Variants in RAD54B observed in about 807,000 individuals in gnomAD.
The protein encoded by RAD54B is DNA repair and recombination protein RAD54B.
A neutral mutation model predicts 95.8 loss-of-function variants in RAD54B; 78 were observed. The ratio of observed to expected loss-of-function variants is 0.81; its 90% CI spans 0.68 to 0.98. The LOEUF (loss-of-function observed/expected upper bound fraction) is 0.98. RAD54B is among the 50% of genes least tolerant of loss of function. The probability of loss-of-function intolerance (pLI) is 0.00; values close to 1 mark genes in which losing one functional copy is unlikely to be tolerated. For synonymous variants in RAD54B, 328 were observed against 354.9 expected (o/e 0.92, Z 0.85); for missense variants, 957 against 1,056.6 (o/e 0.91, Z 1.31).
At chr8:94,447,871 G>A (rs1360214011) in intron 3 of RAD54B, among the ~76,000 whole-genome samples, 3 of 152,010 alleles carry the variant, frequency 2.0e-5, no homozygotes, top group Admixed American at 2.0e-4. Flanking sequence ...GAAAGAAACT[G>A]GGCTCATGAC....
chr8:94,452,365 T>C (rs1812676047), intron 3 of RAD54B, among the ~76,000 whole-genome samples: 1 of 152,258 alleles, frequency 6.6e-6, no homozygotes. Context: ...GTTTAGGAAA[T>C]ACATACTGAA....
At chr8:94,467,128 A>G (rs1457342505) in intron 2 of RAD54B, among the ~76,000 whole-genome samples, 1 of 151,936 alleles carries the variant, frequency 6.6e-6, no homozygotes, top group Non-Finnish European at 1.5e-5. Flanking sequence ...GGGTCTCACT[A>G]TGTTACCCAG....
At chr8:94,394,919 A>C (rs1222182424) in intron 8 of RAD54B, among the ~76,000 whole-genome samples, 1 of 152,184 alleles carries the variant, frequency 6.6e-6, no homozygotes, top group African/African-American at 2.4e-5. Flanking sequence ...CCCAGGTTGG[A>C]CCAGCAATTG....
rs1449958430 is a variant in RAD54B, at chr8:94,404,160, C to G, written c.861G>C (p.Val287=). 2 of 1,611,020 alleles carry G rather than the reference C, an allele frequency of 1.2e-6. No homozygotes were observed. Among genetic ancestry groups the G allele is most frequent in the Non-Finnish European group, 1.7e-6 (2 of 1,177,668 alleles). ...GATGATATACAAGGTAAGGATCAATCACTACATCCACAAGAGGGAAACAGT... is the reference window on the plus strand; with the variant it reads ...GATGATATACAAGGTAAGGATCAATGACTACATCCACAAGAGGGAAACAGT... The part of the protein sequence containing the change: ...NKNCFPLVDV[V]IDPYLVYHLR... Residue 287 remains valine (V), a synonymous_variant, in exon 6 of 15, where the codon GTG becomes GTC. Coordinates refer to ENST00000336148, the MANE Select transcript of RAD54B (RefSeq NM_012415.3).
intron 3 of RAD54B, among the ~76,000 whole-genome samples, chr8:94,456,264 C>G (rs967328916): frequency 1.3e-5 from 2 of 152,078 alleles, no homozygotes; most frequent in African/African-American, 4.8e-5. Flanking sequence ...CAAAGTGTCC[C>G]GTGAATTCAA....
chr8:94,429,120 C>CA (rs761159401), intron 3 of RAD54B: 35 of 984,812 alleles, frequency 3.6e-5, no homozygotes, highest in Non-Finnish European at 3.9e-5. Flanking sequence ...GCAGTAAACT[C>CA]AAAGAGTGTG....
At position 94,393,673 on chromosome 8, in the gene RAD54B, A is replaced by C. The variant is rs1586132059; in HGVS notation, c.1518+70T>G. On this transcript the variant is annotated intron_variant, in intron 9 of 14. Transcript: ENST00000336148. ...CTATTGATTTTTCTAAATCAAAATA[A>C]TATGAAGTTATGGATGATTTCCTCA... 3 of 1,390,986 alleles carry C rather than the reference A, an allele frequency of 2.2e-6. No homozygotes were observed. In the East Asian group the frequency reaches 7.0e-5, roughly 32 times the overall value. 86.2% of individuals were successfully genotyped at this position (1,390,986 alleles called of 1,614,324 possible).
intron 3 of RAD54B, among the ~76,000 whole-genome samples, chr8:94,417,679 G>A (rs1200175597): frequency 2.0e-5 from 3 of 150,246 alleles, no homozygotes; most frequent in African/African-American, 7.4e-5. Context: ...AGAAGAAGAA[G>A]AAGAAAGAAA....
intron 8 of RAD54B, among the ~76,000 whole-genome samples, chr8:94,394,437 A>C (rs189741930): frequency 2.1e-4 from 32 of 152,250 alleles, no homozygotes; most frequent in Non-Finnish European, 4.1e-4. Context: ...ACGTATAAAG[A>C]TAATAAATTC....
chr8:94,378,164 T>C lies in RAD54B; in HGVS notation c.2515+16A>G, dbSNP rs1810643349. On this transcript the variant is annotated intron_variant, in intron 14 of 14. Transcript: ENST00000336148. ...TTAACTTTACTACATAGTAACAGAA[T>C]TAAAATATAACTAACCTGTATGAAC... is the stretch of plus-strand genomic sequence containing the variant. 2 of 1,563,126 alleles carry C rather than the reference T, an allele frequency of 1.3e-6. No individual in the cohort carries two copies. Among genetic ancestry groups the C allele is most frequent in the South Asian group, 2.4e-5 (2 of 84,892 alleles).
At chr8:94,424,810 C>T (rs983403723) in intron 3 of RAD54B, among the ~76,000 whole-genome samples, 1 of 152,034 alleles carries the variant, frequency 6.6e-6, no homozygotes, top group Non-Finnish European at 1.5e-5. Context: ...ACCTGTAATC[C>T]CAGCACTTTG....
chr8:94,438,449 G>A (rs563494398), intron 3 of RAD54B, among the ~76,000 whole-genome samples: 12 of 152,230 alleles, frequency 7.9e-5, no homozygotes, highest in African/African-American at 2.4e-4. Flanking sequence ...TGTCCATAGA[G>A]ATGCAAAAAG....
chr8:94,391,925 G>GA (rs1563639497), intron 9 of RAD54B, 26 bp from the exon 10 acceptor site: 4 of 1,567,156 alleles, frequency 2.6e-6, no homozygotes, highest in South Asian at 1.2e-5. Flanking sequence ...AGACTTAAAT[G>GA]AAAGTGTTAT....
chr8:94,474,608 T>G (rs768613327), intron 1 of RAD54B, among the ~76,000 whole-genome samples: 1 of 152,068 alleles, frequency 6.6e-6, no homozygotes, highest in Non-Finnish European at 1.5e-5. Flanking sequence ...ACCGACACTC[T>G]CCAGGACGCT....
At chr8:94,455,826 G>A (rs1005790205) in intron 3 of RAD54B, among the ~76,000 whole-genome samples, 1 of 152,038 alleles carries the variant, frequency 6.6e-6, no homozygotes, top group African/African-American at 2.4e-5. Context: ...TTCCCTCTGT[G>A]TTTCTATCTC....
At chr8:94,381,128 A>T (rs1302378725) in intron 11 of RAD54B, among the ~76,000 whole-genome samples, 1 of 43,906 alleles carries the variant, frequency 2.3e-5, no homozygotes, top group East Asian at 3.1e-4. Flanking sequence ...CCTGTCTTTT[A>T]AAAAAAAAAA....
intron 3 of RAD54B, among the ~76,000 whole-genome samples, chr8:94,424,015 T>C (rs1325626118): frequency 6.6e-6 from 1 of 152,168 alleles, no homozygotes; most frequent in African/African-American, 2.4e-5. Context: ...CGTATTGTAT[T>C]ACCAGGGTCT....
At chr8:94,437,043 G>A in intron 3 of RAD54B, 1 of 1,313,920 alleles carries the variant, frequency 7.6e-7, no homozygotes, top group Non-Finnish European at 9.9e-7. Flanking sequence ...CGCAGGTTCA[G>A]GAAATCTGCT....
In RAD54B at chr8:94,378,622, C is replaced by G; in HGVS notation, c.2260G>C (p.Val754Leu). 1 of 1,608,290 alleles carries G rather than the reference C, an allele frequency of 6.2e-7. No homozygotes were observed. Among genetic ancestry groups the G allele is most frequent in the Non-Finnish European group, 8.5e-7 (1 of 1,176,336 alleles). Residue 754 changes from valine (V) to leucine (L), a missense_variant, in exon 13 of 15, where the codon GTA (valine) becomes CTA (leucine). By Grantham distance (32) the Val-to-Leu change is conservative (BLOSUM62 1). Coordinates refer to ENST00000336148, the MANE Select transcript of RAD54B (RefSeq NM_012415.3). ...GGATATTTCTGACCATCTCTCCATA[C>G]TCTAGACATTGCCTATAGAAAATAA... The part of the protein sequence containing the change: ...PATDIQAMSR[V>L]WRDGQKYPVH...
Sources: allele counts gnomAD v4.1 joint callset (sites outside exome capture counted in the v4.1 genomes callset), GRCh38; gene constraint gnomAD v4.1.1; transcripts MANE v1.5; gene names NCBI Gene and HGNC (gene_info 2026-07-23, HGNC 2026-07-21).